Variants in RAPGEF6 observed in about 807,000 individuals in gnomAD.
RAPGEF6 encodes the protein PDZ domain containing guanine nucleotide exchange factor (GEF) 2.
Under a neutral mutation model 171.4 loss-of-function variants are expected in RAPGEF6, and 56 were observed. The observed-to-expected ratio is 0.33, with a 90% CI of 0.26 to 0.41. The LOEUF (loss-of-function observed/expected upper bound fraction) is 0.41. RAPGEF6 is among the 10% of genes least tolerant of loss of function. The pLI is 1.00. For missense variants in RAPGEF6, 1,674 were observed against 1,921.4 expected, an observed-to-expected ratio of 0.87 and a Z score of 2.41; for synonymous variants, 692 against 650.1, an observed-to-expected ratio of 1.06 and a Z score of -0.98.
At chr5:131,451,803 GA>G (rs1753094443) in intron 21 of RAPGEF6, among the ~76,000 whole-genome samples, 2 of 152,234 alleles carry the variant, frequency 1.3e-5, no homozygotes, top group Middle Eastern at 3.4e-3. Context: ...TTAAGCCATA[GA>G]AATTGTGTCG....
rs1757346603 is a variant in RAPGEF6, at chr5:131,505,966, G to GA, written c.943-445_943-444insT. On this transcript the variant is annotated intron_variant, in intron 9 of 27. Transcript: ENST00000509018. ...TAACACATACACTGTGCTTAGAATA[G>GA]TGCCTGGCAAAAAGCAAACATTTAA... Among the ~76,000 whole-genome samples the GA allele has an allele frequency of 2.6e-5, 4 of 152,240 alleles. No individual in the cohort carries two copies. In the South Asian group the frequency reaches 8.3e-4, roughly 32 times the overall value.
intron 3 of RAPGEF6, among the ~76,000 whole-genome samples, chr5:131,594,136 T>C (rs1430280751): frequency 6.6e-6 from 1 of 152,246 alleles, no homozygotes; most frequent in East Asian, 1.9e-4. Context: ...CCTGCTACTC[T>C]GTGTAGCCTC....
At position 131,428,911 on chromosome 5, in the gene RAPGEF6, C is replaced by T. The variant is rs747389311; in HGVS notation, c.4771G>A (p.Glu1591Lys). Reference sequence around the variant, plus strand: ...GAGCTTGTCAACATACCATCTGCTTCGCTATCTGCATCAGTCACATCTCCT... The same window carrying T: ...GAGCTTGTCAACATACCATCTGCTTTGCTATCTGCATCAGTCACATCTCCT... ...KLGDVTDADS[E>K]ADENEQVSAV Residue 1591 changes from glutamate (E) to lysine (K), a missense_variant, in exon 27 of 28, where the codon GAA becomes AAA. By Grantham distance (56) the Glu-to-Lys change is moderately conservative. This residue lies in a region of RAPGEF6 where 552 missense variants were observed against 574.2 expected (regional missense o/e 0.96). Coordinates refer to ENST00000509018, the MANE Select transcript of RAPGEF6 (RefSeq NM_016340.6). The T allele has an allele frequency of 1.3e-5, 21 of 1,612,548 alleles. 1 individual carries two copies. In the South Asian group the frequency reaches 1.5e-4, roughly 12 times the overall value.
At chr5:131,465,592 GAT>G (rs1201698720) in intron 17 of RAPGEF6, among the ~76,000 whole-genome samples, 2 of 152,014 alleles carry the variant, frequency 1.3e-5, no homozygotes, top group African/African-American at 4.8e-5. Flanking sequence ...GACCAGCCTG[GAT>G]ATATAGCAAG....
chr5:131,446,867 G>A (rs1173744795), intron 21 of RAPGEF6, 164 bp from the exon 22 acceptor site: 14 of 657,756 alleles, frequency 2.1e-5, no homozygotes, highest in African/African-American at 5.5e-5. Flanking sequence ...ATATGGTGAC[G>A]TTCTGAATTA....
intron 15 of RAPGEF6, among the ~76,000 whole-genome samples, chr5:131,480,923 T>C (rs1419400726): frequency 6.6e-6 from 1 of 151,686 alleles, no homozygotes. Context: ...ATATCTTAGA[T>C]ACTGCTTTTT....
intron 6 of RAPGEF6, among the ~76,000 whole-genome samples, chr5:131,533,492 C>T (rs1759547324): frequency 1.3e-5 from 2 of 151,940 alleles, no homozygotes; most frequent in Admixed American, 1.3e-4. Context: ...TATTTGTTAA[C>T]AAGGGGTTTC....
intron 15 of RAPGEF6, among the ~76,000 whole-genome samples, chr5:131,483,170 G>A (rs758615543): frequency 1.4e-4 from 21 of 151,942 alleles, no homozygotes; most frequent in Non-Finnish European, 2.4e-4. Flanking sequence ...CCAAAATGGT[G>A]AAACTCCATC....
chr5:131,492,789 T>G lies in RAPGEF6; in HGVS notation c.1528-4A>C. The G allele has an allele frequency of 1.2e-6, 2 of 1,608,406 alleles. No individual in the cohort carries two copies. The highest frequency in any genetic ancestry group is 1.7e-6 in the Non-Finnish European group (2 of 1,174,782). ...ACCGGAGATGACCATTCATCTTCTG[T>G]TAAGCAGAAAAGGATAAATGTATAT... is the stretch of plus-strand genomic sequence containing the variant. On this transcript the variant is annotated splice_polypyrimidine_tract_variant and splice_region_variant and intron_variant, in intron 13 of 27. Coordinates refer to ENST00000509018, the MANE Select transcript of RAPGEF6 (RefSeq NM_016340.6).
chr5:131,632,720 A>T (rs1040669248), intron 1 of RAPGEF6, among the ~76,000 whole-genome samples: 1 of 152,204 alleles, frequency 6.6e-6, no homozygotes, highest in Admixed American at 6.5e-5. Context: ...CAGTAAAAGG[A>T]CCTTCTGAAA....
At chr5:131,457,450 C>CT (rs1317872990) in intron 19 of RAPGEF6, among the ~76,000 whole-genome samples, 16 of 152,184 alleles carry the variant, frequency 1.1e-4, no homozygotes, top group Non-Finnish European at 1.9e-4. Flanking sequence ...GGGAGACACT[C>CT]TGAGTTGTAA....
At chr5:131,602,412 T>C (rs1396570895) in intron 3 of RAPGEF6, among the ~76,000 whole-genome samples, 3 of 152,010 alleles carry the variant, frequency 2.0e-5, no homozygotes, top group African/African-American at 7.3e-5. Flanking sequence ...GAGTAAGCAA[T>C]AAGGGCACAA....
At chr5:131,564,003 C>T (rs544208614) in intron 4 of RAPGEF6, among the ~76,000 whole-genome samples, 11 of 152,156 alleles carry the variant, frequency 7.2e-5, no homozygotes, top group African/African-American at 2.4e-4. Context: ...TTTCAAGACA[C>T]CAAAAAGAAG....
chr5:131,554,069 T>C (rs184027032), intron 5 of RAPGEF6, among the ~76,000 whole-genome samples: 1 of 152,108 alleles, frequency 6.6e-6, no homozygotes, highest in East Asian at 1.9e-4. Context: ...AGACTTTTAA[T>C]GCAGCCAGAA....
intron 24 of RAPGEF6, among the ~76,000 whole-genome samples, chr5:131,434,873 G>A (rs1158179832): frequency 2.0e-5 from 3 of 152,176 alleles, no homozygotes; most frequent in Non-Finnish European, 4.4e-5. Flanking sequence ...AAATGCCCTA[G>A]TAATCCCAAC....
At chr5:131,622,768 T>C (rs959467290) in intron 1 of RAPGEF6, among the ~76,000 whole-genome samples, 1 of 152,134 alleles carries the variant, frequency 6.6e-6, no homozygotes, top group Admixed American at 6.6e-5. Context: ...CCCAGAAGTA[T>C]AAATAAGTTC....
intron 1 of RAPGEF6, among the ~76,000 whole-genome samples, chr5:131,624,938 C>A (rs1295025156): frequency 6.6e-6 from 1 of 151,910 alleles, no homozygotes; most frequent in Non-Finnish European, 1.5e-5. Context: ...GCCTGACCAA[C>A]AAGGAGAAAC....
intron 22 of RAPGEF6, 149 bp downstream of exon 22, chr5:131,446,334 G>A: frequency 4.2e-6 from 3 of 710,476 alleles, no homozygotes; most frequent in Non-Finnish European, 4.6e-6. Context: ...TTCAGTCTGT[G>A]ATTAATTGGA....
rs139927663 is a variant in RAPGEF6 at position 131,555,837 on chromosome 5, C to T, written c.351+6141G>A. ...CCATGTGCACTTAACGATAAGGATA[C>T]GTTCTGAGAAACTAGTTGTTAGGCA... On this transcript the variant is annotated intron_variant, in intron 5 of 27. Transcript: ENST00000509018. 2.4e-3 allele frequency among the ~76,000 whole-genome samples: 364 copies of T among 152,170 alleles called. 5 individuals are homozygous for T. The highest frequency in any genetic ancestry group is 0.02 in the South Asian group (96 of 4,822).
Sources: allele counts gnomAD v4.1 joint callset (sites outside exome capture counted in the v4.1 genomes callset), GRCh38; gene constraint gnomAD v4.1.1; regional missense constraint gnomAD v4.1.1; transcripts MANE v1.5; gene names NCBI Gene and HGNC (gene_info 2026-07-23, HGNC 2026-07-21).